SLC5A9: variants seen among roughly 807,000 people sequenced by gnomAD.
SLC5A9 encodes sodium/glucose cotransporter 4.
In SLC5A9, 59 loss-of-function variants were observed where a neutral mutation model predicts 70.9. The ratio of observed to expected loss-of-function variants is 0.83; its 90% confidence interval spans 0.68 to 1.03. SLC5A9 has a LOEUF of 1.03. Ranked by LOEUF, SLC5A9 falls within the 50% of genes least tolerant of loss-of-function variation. SLC5A9 has a pLI of 0.00. For missense variants in SLC5A9, 832 were observed against 881.1 expected, an observed-to-expected ratio of 0.94 and a Z score of 0.71; for synonymous variants, 340 against 346.5, an observed-to-expected ratio of 0.98 and a Z score of 0.21.
intron 2 of SLC5A9, among the ~76,000 whole-genome samples, chr1:48,225,592 C>A (rs1157982101): frequency 6.6e-6 from 1 of 151,930 alleles, no homozygotes; most frequent in African/African-American, 2.4e-5. Flanking sequence ...CCCAGGCATG[C>A]AAAACTCACA....
Position 48,247,950 on chromosome 1 carries a change from C to A in SLC5A9, c.*407C>A, listed in dbSNP as rs1644477775. 1 of 194,920 alleles carries A rather than the reference C, an allele frequency of 5.1e-6. No individual in the cohort carries two copies. Among genetic ancestry groups the A allele is most frequent in the African/African-American group, 2.3e-5 (1 of 43,266 alleles). The allele number at this position is 194,920 out of a possible 1,614,324, so 12.1% of individuals were successfully genotyped here. A position where few individuals can be genotyped will look rare whatever the true frequency, so the allele number is the denominator to read the frequency against. ...GCAAAAATCCAAGAGCACCTTTGCT[C>A]CCCCTTATCCTCCTTCCTCTTCCCC... is the stretch of plus-strand genomic sequence containing the variant. On this transcript the variant is annotated 3_prime_UTR_variant, in exon 14 of 14. Coordinates refer to ENST00000438567, the MANE Select transcript of SLC5A9 (RefSeq NM_001011547.3).
At chr1:48,247,206 AC>A (rs1010401569) in intron 13 of SLC5A9, 128 bp from the exon 14 acceptor site, 28 of 805,206 alleles carry the variant, frequency 3.5e-5, no homozygotes, top group Non-Finnish European at 5.0e-5. Context: ...GTTTCTGTGC[AC>A]CCCCCATACT....
chr1:48,233,537 CA>C (rs1369381212), intron 8 of SLC5A9, 117 bp from the exon 9 acceptor site: 6 of 748,262 alleles, frequency 8.0e-6, no homozygotes, highest in Non-Finnish European at 1.4e-5. Flanking sequence ...ACCTTGTAGA[CA>C]TGGGTCCCTG....
chr1:48,242,332 A>G, intron 12 of SLC5A9, 125 bp from the exon 13 acceptor site: 1 of 1,168,294 alleles, frequency 8.6e-7, no homozygotes, highest in South Asian at 1.5e-5. Flanking sequence ...CCTGACTCCC[A>G]GCCCTGGCCT....
At position 48,237,712 on chromosome 1, in the gene SLC5A9, C is replaced by T; in HGVS notation, c.1326C>T (p.Ile442=). The change falls in exon 11 of 14, where the codon ATC becomes ATT. Residue 442 remains isoleucine, a synonymous_variant. Coordinates refer to ENST00000438567, the MANE Select transcript of SLC5A9 (RefSeq NM_001011547.3). ...TGGTGTTCCTGGTTGTCATCAGCATCCTCTGGATCCCCATCATCCAAAGCT... is the reference window on the plus strand; with the variant it reads ...TGGTGTTCCTGGTTGTCATCAGCATTCTCTGGATCCCCATCATCCAAAGCT... ...VFVVFLVVIS[I]LWIPIIQSSN... 1.2e-6 allele frequency: 2 copies of T among 1,614,110 alleles called. No individual in the cohort carries two copies. Among genetic ancestry groups the T allele is most frequent in the East Asian group, 2.2e-5 (1 of 44,868 alleles).
At chr1:48,222,961 G>A in intron 1 of SLC5A9, 63 bp downstream of exon 1, 1 of 1,572,744 alleles carries the variant, frequency 6.4e-7, no homozygotes, top group South Asian at 1.1e-5. Flanking sequence ...GCTTGGGTGG[G>A]GCTGTGGAGC....
chr1:48,231,786 C>T (rs1302344129), intron 6 of SLC5A9, 160 bp from the exon 7 acceptor site: 2 of 1,505,200 alleles, frequency 1.3e-6, no homozygotes, highest in Non-Finnish European at 1.8e-6. Flanking sequence ...GTTCTCGCTA[C>T]TTCAAACCAA....
Position 48,239,618 on chromosome 1 carries a change from C to T in SLC5A9, c.1677+81C>T, listed in dbSNP as rs1644369811. On this transcript the variant is annotated intron_variant, in intron 12 of 13. Coordinates refer to ENST00000438567, the MANE Select transcript of SLC5A9 (RefSeq NM_001011547.3). The surrounding 1 kb of genome is among the most constrained non-coding windows in gnomAD (Gnocchi z 4.2). ...CCTAGAATTCCACTGCTGACTTTTA[C>T]TCTGTTGGGTTATGGTCTCCCCTGT... 4.4e-6 allele frequency: 6 copies of T among 1,369,688 alleles called. No individual in the cohort carries two copies. The highest frequency in any genetic ancestry group is 2.3e-5 in the East Asian group (1 of 43,628). The allele number at this position is 1,369,688 out of a possible 1,614,324, so 84.8% of individuals were successfully genotyped here. A position where few individuals can be genotyped will look rare whatever the true frequency, so the allele number is the denominator to read the frequency against.
chr1:48,226,348 C>A (rs571765959), intron 2 of SLC5A9, among the ~76,000 whole-genome samples: 8 of 152,238 alleles, frequency 5.3e-5, no homozygotes, highest in African/African-American at 1.9e-4. Context: ...CGAGCTCTGG[C>A]CCAACGATTA....
chr1:48,242,314 C>T, intron 12 of SLC5A9, 143 bp from the exon 13 acceptor site: 2 of 902,926 alleles, frequency 2.2e-6, no homozygotes, highest in Non-Finnish European at 3.4e-6. Context: ...GGGCTGAGAT[C>T]CGGGCCTCCT....
At chr1:48,227,269 CAG>C (rs1349694522) in intron 2 of SLC5A9, among the ~76,000 whole-genome samples, 1 of 42,178 alleles carries the variant, frequency 2.4e-5, no homozygotes, top group East Asian at 9.9e-4. Flanking sequence ...GCATGTGTGT[CAG>C]AGTGTGTGTG....
rs1306963532 is a variant in SLC5A9, at chr1:48,239,500, T to C, written c.1640T>C (p.Ile547Thr). 5.0e-6 allele frequency: 8 copies of C among 1,614,100 alleles called. No individual in the cohort carries two copies. The highest frequency in any genetic ancestry group is 6.8e-6 in the Non-Finnish European group (8 of 1,180,040). The change falls in exon 12 of 14, where the codon ATT (isoleucine) becomes ACT (threonine). Residue 547 changes from isoleucine to threonine, a missense_variant. Ile to Thr is a moderately conservative substitution (Grantham distance 89, BLOSUM62 -1). Coordinates refer to ENST00000438567, the MANE Select transcript of SLC5A9 (RefSeq NM_001011547.3). The surrounding 1 kb of genome is among the most constrained non-coding windows in gnomAD (Gnocchi z 4.2). ...LCGLTAIVIV[I>T]VSLCTTPIPE... is the part of the protein sequence containing the mutation. ...GGGCTCACTGCCATCGTCATTGTCATTGTCAGCCTCTGTACAACTCCCATC... is the reference window on the plus strand; with the variant it reads ...GGGCTCACTGCCATCGTCATTGTCACTGTCAGCCTCTGTACAACTCCCATC...
At chr1:48,244,872 G>GTATATATATA (rs1190631619) in intron 13 of SLC5A9, among the ~76,000 whole-genome samples, 6 of 9,314 alleles carry the variant, frequency 6.4e-4, no homozygotes, top group South Asian at 3.2e-3. Context: ...GTATGTATGT[G>GTATATATATA]TATGTGTATA....
chr1:48,222,771 C>T lies in SLC5A9; in HGVS notation c.35C>T (p.Ala12Val). ...SKELAAMGPG[A>V]SGDGVRTETA... Reference sequence around the variant, plus strand: ...GAGCTGGCAGCAATGGGGCCTGGAGCTTCAGGGGACGGGGTCAGGACTGAG... The same window carrying T: ...GAGCTGGCAGCAATGGGGCCTGGAGTTTCAGGGGACGGGGTCAGGACTGAG... Residue 12 changes from alanine to valine, a missense_variant, in exon 1 of 14, where the codon GCT (alanine) becomes GTT (valine). Coordinates refer to ENST00000438567, the MANE Select transcript of SLC5A9 (RefSeq NM_001011547.3). 1 of 1,614,206 alleles carries T rather than the reference C, an allele frequency of 6.2e-7. No individual in the cohort carries two copies. Among genetic ancestry groups the T allele is most frequent in the Non-Finnish European group, 8.5e-7 (1 of 1,180,042 alleles).
At chr1:48,224,903 C>A (rs1184904284) in intron 2 of SLC5A9, 108 bp downstream of exon 2, 3 of 1,109,662 alleles carry the variant, frequency 2.7e-6, no homozygotes, top group Non-Finnish European at 4.0e-6. Flanking sequence ...AAGGCAAAGA[C>A]CTCCCCGTTG....
intron 1 of SLC5A9, among the ~76,000 whole-genome samples, chr1:48,224,361 G>A (rs1281629784): frequency 6.6e-6 from 1 of 152,180 alleles, no homozygotes; most frequent in Non-Finnish European, 1.5e-5. Flanking sequence ...CAGAGAAAGG[G>A]TGAGCACTAC....
At position 48,230,594 on chromosome 1, in the gene SLC5A9, C is replaced by A; in HGVS notation, c.505-6C>A. ...GTCTGGCCTCTTGGGTCCTGGCTCTCTGCAGACTGACATCTTCTCTGGAGC... is the reference window on the plus strand; with the variant it reads ...GTCTGGCCTCTTGGGTCCTGGCTCTATGCAGACTGACATCTTCTCTGGAGC... On this transcript the variant is annotated splice_region_variant and splice_polypyrimidine_tract_variant and intron_variant, in intron 4 of 13. Transcript: ENST00000438567. 6 of 1,612,986 alleles carry A rather than the reference C, an allele frequency of 3.7e-6. No individual in the cohort carries two copies. Among genetic ancestry groups the A allele is most frequent in the Non-Finnish European group, 4.2e-6 (5 of 1,179,084 alleles).
At chr1:48,228,705 G>A in intron 2 of SLC5A9, 145 bp from the exon 3 acceptor site, 2 of 1,336,666 alleles carry the variant, frequency 1.5e-6, no homozygotes, top group Non-Finnish European at 2.0e-6. Flanking sequence ...GCGGATATCT[G>A]TGGAATTAAA....
At chr1:48,240,071 G>A (rs936711844) in intron 12 of SLC5A9, among the ~76,000 whole-genome samples, 1 of 152,188 alleles carries the variant, frequency 6.6e-6, no homozygotes, top group Non-Finnish European at 1.5e-5. Context: ...CACAAGCAAC[G>A]GCCCTTGAAC....
Sources: allele counts gnomAD v4.1 joint callset (sites outside exome capture counted in the v4.1 genomes callset), GRCh38; gene constraint gnomAD v4.1.1; non-coding constraint Gnocchi (gnomAD v3.1); transcripts MANE v1.5; gene names NCBI Gene and HGNC (gene_info 2026-07-23, HGNC 2026-07-21).